SLC14A2: variants seen among roughly 807,000 people sequenced by gnomAD.
SLC14A2 encodes solute carrier family 14 member 2.
A neutral mutation model predicts 104.6 loss-of-function variants in SLC14A2; 91 were observed. The ratio of observed to expected loss-of-function variants is 0.87; its 90% confidence interval spans 0.73 to 1.04. The LOEUF is 1.04. Ranked by LOEUF, SLC14A2 falls within the 50% of genes least tolerant of loss-of-function variation. SLC14A2 has a pLI of 0.00. For synonymous variants in SLC14A2, 476 were observed against 466.4 expected (o/e 1.02, Z -0.27); for missense variants, 1,189 against 1,156.0 (o/e 1.03, Z -0.41).
chr18:45,563,066 G>A (rs370029401), intron 2 of SLC14A2, among the ~76,000 whole-genome samples: 9 of 152,218 alleles, frequency 5.9e-5, no homozygotes, highest in Admixed American at 3.3e-4. Flanking sequence ...GGAAACGCAG[G>A]GGGGCTGGCA....
At chr18:45,483,761 T>A (rs1374855084) in intron 2 of SLC14A2, among the ~76,000 whole-genome samples, 1 of 152,206 alleles carries the variant, frequency 6.6e-6, no homozygotes, top group African/African-American at 2.4e-5. Flanking sequence ...GGGGTTGGAA[T>A]GATTTCCTAG....
the SLC14A2 span, among the ~76,000 whole-genome samples, chr18:45,198,766 C>A: frequency 6.6e-6 from 1 of 152,126 alleles, no homozygotes; most frequent in East Asian, 1.9e-4. Context: ...CCAAGGAAGA[C>A]CTTAGTATAC....
intron 1 of SLC14A2, among the ~76,000 whole-genome samples, chr18:45,366,733 TATGTCTCTCACA>T (rs1399021082): frequency 6.6e-6 from 1 of 151,990 alleles, no homozygotes; most frequent in Non-Finnish European, 1.5e-5. Flanking sequence ...TTACCTGGAG[TATGTCTCTCACA>T]ATTGAGGGAA....
At chr18:45,614,223 C>G (rs1035266337), upstream of SLC14A2, among the ~76,000 whole-genome samples, 1 of 152,218 alleles carries the variant, frequency 6.6e-6, no homozygotes, top group Non-Finnish European at 1.5e-5. Context: ...TGCAGGTGCA[C>G]AGAAGTCAAG....
chr18:45,205,585 C>A, the SLC14A2 span, among the ~76,000 whole-genome samples: 1 of 152,222 alleles, frequency 6.6e-6, no homozygotes, highest in East Asian at 1.9e-4. Context: ...AAAAATAGAT[C>A]GGGTAGATGC....
intron 1 of SLC14A2, among the ~76,000 whole-genome samples, chr18:45,248,615 T>C (rs562588239): frequency 1.3e-5 from 2 of 152,324 alleles, no homozygotes; most frequent in African/African-American, 2.4e-5. Flanking sequence ...CTTCAGACTA[T>C]TTTAATGGCA....
chr18:45,335,815 A>C (rs2085332769), intron 1 of SLC14A2, among the ~76,000 whole-genome samples: 1 of 152,136 alleles, frequency 6.6e-6, no homozygotes, highest in Non-Finnish European at 1.5e-5. Context: ...TCCAGCCAGG[A>C]AAGGAGGAGC....
At chr18:45,578,399 C>G (rs2044443343) in intron 2 of SLC14A2, among the ~76,000 whole-genome samples, 1 of 152,210 alleles carries the variant, frequency 6.6e-6, no homozygotes, top group South Asian at 2.1e-4. Context: ...CCCACTGTCT[C>G]AAGGCCAAGC....
At chr18:45,235,943 ATATG>A (rs2084228947) in intron 1 of SLC14A2, among the ~76,000 whole-genome samples, 2 of 103,790 alleles carry the variant, frequency 1.9e-5, no homozygotes, top group East Asian at 4.6e-4. Flanking sequence ...ATATATACAT[ATATG>A]TGTGTATATA....
At chr18:45,620,601 A>G (rs2045150035) in intron 1 of SLC14A2, among the ~76,000 whole-genome samples, 1 of 152,162 alleles carries the variant, frequency 6.6e-6, no homozygotes, top group African/African-American at 2.4e-5. Flanking sequence ...AGAAATTAAC[A>G]AGGTAATGGC....
chr18:45,505,108 C>T (rs921367078), intron 2 of SLC14A2, among the ~76,000 whole-genome samples: 1 of 152,042 alleles, frequency 6.6e-6, no homozygotes, highest in African/African-American at 2.4e-5. Context: ...GAAATGAGGA[C>T]CTATGATGAG....
chr18:45,405,024 T>C (rs374562019), intron 1 of SLC14A2, among the ~76,000 whole-genome samples: 1 of 152,180 alleles, frequency 6.6e-6, no homozygotes, highest in Non-Finnish European at 1.5e-5. Flanking sequence ...CTCTCCAGCA[T>C]GTAACTTGAA....
At chr18:45,382,692 C>G (rs188206685) in intron 1 of SLC14A2, among the ~76,000 whole-genome samples, 1 of 152,306 alleles carries the variant, frequency 6.6e-6, no homozygotes, top group African/African-American at 2.4e-5. Context: ...CTATAAAGAA[C>G]TTAGAAAACT....
In SLC14A2 at chr18:45,666,196, C is replaced by T. The variant is rs774588201; in HGVS notation, c.1534C>T (p.Arg512Trp). The T allele has an allele frequency of 5.0e-5, 80 of 1,613,166 alleles. No homozygotes were observed. Among genetic ancestry groups the T allele is most frequent in the Non-Finnish European group, 6.6e-5 (78 of 1,179,260 alleles). Residue 512 changes from arginine (R) to tryptophan (W), a missense_variant, in exon 12 of 20, where the codon CGG (arginine) becomes TGG (tryptophan). Transcript: ENST00000255226. Reference protein sequence around the residue: ...QNKDPFPYRYRKPTVELLDLD... With the variant: ...QNKDPFPYRYWKPTVELLDLD... ...CAAAGACCCATTTCCCTATCGATAC[C>T]GGAAGCCCACAGTCGAGCTGCTTGT...
rs144901445 is a variant in SLC14A2 at position 45,682,483 on chromosome 18, A to C, written c.2727A>C (p.Ser909=). 16,435 of 1,614,048 alleles carry C rather than the reference A, an allele frequency of 0.01. 111 individuals carry two copies. The highest frequency in any genetic ancestry group is 0.012 in the Non-Finnish European group (14,674 of 1,179,914). The change falls in exon 20 of 20, where the codon TCA becomes TCC. Residue 909 remains serine (S), a synonymous_variant. Coordinates refer to ENST00000255226, the MANE Select transcript of SLC14A2 (RefSeq NM_007163.4). ...CCCAGGAGAGAAACAGAAGGGCATC[A>C]ATCATAACAAAGTATCAGGCCTACG... is the stretch of plus-strand genomic sequence containing the variant. ...YLSQERNRRA[S]IITKYQAYDV... is the part of the protein sequence containing the mutation.
At chr18:45,313,232 G>T (rs764502800) in intron 1 of SLC14A2, among the ~76,000 whole-genome samples, 2 of 152,148 alleles carry the variant, frequency 1.3e-5, no homozygotes, top group African/African-American at 2.4e-5. Flanking sequence ...TTCATCAAGA[G>T]GGGGACTAGA....
At chr18:45,268,758 G>A (rs1398551976) in intron 1 of SLC14A2, among the ~76,000 whole-genome samples, 1 of 151,886 alleles carries the variant, frequency 6.6e-6, no homozygotes, top group East Asian at 1.9e-4. Flanking sequence ...ATACACCATG[G>A]CTCAGACTGG....
upstream of SLC14A2, among the ~76,000 whole-genome samples, chr18:45,612,777 A>C (rs2044993360): frequency 6.6e-6 from 1 of 152,170 alleles, no homozygotes; most frequent in East Asian, 1.9e-4. Flanking sequence ...ACCCAGTAGG[A>C]GGTGACTGGA....
chr18:45,206,845 A>G, the SLC14A2 span, among the ~76,000 whole-genome samples: 1 of 152,156 alleles, frequency 6.6e-6, no homozygotes, highest in African/African-American at 2.4e-5. Flanking sequence ...TACAAACTAA[A>G]TATCCCAAAA....
Sources: allele counts gnomAD v4.1 joint callset (sites outside exome capture counted in the v4.1 genomes callset), GRCh38; gene constraint gnomAD v4.1.1; transcripts MANE v1.5; gene names NCBI Gene and HGNC (gene_info 2026-07-23, HGNC 2026-07-21).